Variants in IGF2BP1 observed in about 807,000 individuals in gnomAD.
IGF2BP1 encodes insulin-like growth factor 2 mRNA-binding protein 1.
A neutral mutation model predicts 74.9 loss-of-function variants in IGF2BP1; 11 were observed. That is an observed-to-expected ratio of 0.15 (90% CI 0.09 to 0.24). The LOEUF (loss-of-function observed/expected upper bound fraction) is 0.24, where lower values mean the gene tolerates loss of function less well. Ranked by LOEUF, IGF2BP1 falls within the 10% of genes least tolerant of loss-of-function variation. IGF2BP1 has a pLI of 1.00. For synonymous variants in IGF2BP1, 287 were observed against 281.8 expected, an observed-to-expected ratio of 1.02 and a Z score of -0.18; for missense variants, 440 against 757.4, an observed-to-expected ratio of 0.58 and a Z score of 4.92.
Position 49,045,083 on chromosome 17 carries a change from T to G in IGF2BP1, c.1395+18T>G. 1.9e-6 allele frequency: 3 copies of G among 1,608,408 alleles called. No individual in the cohort carries two copies. The South Asian group carries it at 3.3e-5, about 18-fold the overall frequency. On this transcript the variant is annotated intron_variant, in intron 12 of 14. Transcript: ENST00000290341. ...AATTCAAGGTTTTGGTCTTTATTGT[T>G]TTCCAAGCTGAACATGGAGGAATTG...
intron 6 of IGF2BP1, among the ~76,000 whole-genome samples, chr17:49,039,253 C>A (rs1250224252): frequency 6.6e-6 from 1 of 151,906 alleles, no homozygotes; most frequent in Non-Finnish European, 1.5e-5. Flanking sequence ...CATAGTAAAT[C>A]TTGTTATTTA....
Position 49,039,954 on chromosome 17 carries a change from C to T in IGF2BP1, c.684-3C>T. The T allele has an allele frequency of 6.2e-7, 1 of 1,612,256 alleles. No individual in the cohort carries two copies. The highest frequency in any genetic ancestry group is 8.5e-7 in the Non-Finnish European group (1 of 1,179,926). ...TAACCAGCCTTGTCCTTGTGGCCCC[C>T]AGGATAGACGTGCATAGGAAGGAGA... On this transcript the variant is annotated splice_region_variant and splice_polypyrimidine_tract_variant and intron_variant, in intron 6 of 14. Transcript: ENST00000290341.
intron 13 of IGF2BP1, 81 bp from the exon 14 acceptor site, chr17:49,046,179 C>G (rs1318201717): frequency 3.5e-6 from 5 of 1,443,820 alleles, no homozygotes; most frequent in East Asian, 4.5e-5. Context: ...AGGTTCTCCC[C>G]ACTAGTCACC....
At chr17:49,045,098 T>C (rs1350214952) in intron 12 of IGF2BP1, 33 bp downstream of exon 12, 20 of 1,585,972 alleles carry the variant, frequency 1.3e-5, no homozygotes, top group Non-Finnish European at 1.6e-5. Flanking sequence ...AAGCTGAACA[T>C]GGAGGAATTG....
At position 49,043,955 on chromosome 17, in the gene IGF2BP1, C is replaced by G; in HGVS notation, c.1201-12C>G. 1 of 1,613,244 alleles carries G rather than the reference C, an allele frequency of 6.2e-7. No homozygotes were observed. Among genetic ancestry groups the G allele is most frequent in the Non-Finnish European group, 8.5e-7 (1 of 1,179,744 alleles). Reference sequence around the variant, plus strand: ...TTGGGCCCCCTGGTAACAACGCCTCCTATCCTGGCAGCAGGCTCCCGAGCA... The same window carrying G: ...TTGGGCCCCCTGGTAACAACGCCTCGTATCCTGGCAGCAGGCTCCCGAGCA... On this transcript the variant is annotated splice_polypyrimidine_tract_variant and intron_variant, in intron 10 of 14. Coordinates refer to ENST00000290341, the MANE Select transcript of IGF2BP1 (RefSeq NM_006546.4).
intron 2 of IGF2BP1, among the ~76,000 whole-genome samples, chr17:49,023,354 C>T (rs146494370): frequency 1.3e-5 from 2 of 152,310 alleles, no homozygotes; most frequent in African/African-American, 4.8e-5. Context: ...TTATTTCATC[C>T]CTGGGAGAGA....
In IGF2BP1 at chr17:49,055,666, C is replaced by T; in HGVS notation, c.*6222C>T. 2.5e-6 allele frequency: 1 copy of T among 398,548 alleles called. No individual in the cohort carries two copies. The highest frequency in any genetic ancestry group is 4.4e-6 in the Non-Finnish European group (1 of 226,052). The allele number at this position is 398,548 out of a possible 1,614,324, so 24.7% of individuals were successfully genotyped here. On this transcript the variant is annotated 3_prime_UTR_variant, in exon 15 of 15. Transcript: ENST00000290341. The stretch of plus-strand genomic sequence containing the variant: ...TATCACCATTTGGAGTCTCCCTTTT[C>T]TCCAGGATCTTGATCCTGGTCCCCA...
intron 2 of IGF2BP1, chr17:49,004,936 G>A (rs1216185300): frequency 6.6e-6 from 1 of 152,154 alleles, no homozygotes; most frequent in African/African-American, 2.4e-5. Context: ...CCATCGCAAG[G>A]GCAAGGAGGC....
intron 2 of IGF2BP1, among the ~76,000 whole-genome samples, chr17:48,999,589 T>G (rs544535263): frequency 1.4e-4 from 21 of 152,006 alleles, no homozygotes; most frequent in Non-Finnish European, 2.6e-4. Context: ...CACACCATAA[T>G]TCTTAAGTGG....
intron 4 of IGF2BP1, among the ~76,000 whole-genome samples, chr17:49,027,939 G>A (rs149707191): frequency 2.3e-4 from 35 of 151,550 alleles, no homozygotes; most frequent in African/African-American, 7.5e-4. Flanking sequence ...GGGAGGCCAA[G>A]GTGGGCAGAT....
At chr17:49,002,699 A>T (rs2041501032) in intron 2 of IGF2BP1, among the ~76,000 whole-genome samples, 1 of 139,212 alleles carries the variant, frequency 7.2e-6, no homozygotes, top group Non-Finnish European at 1.6e-5. Context: ...TTAGGTTAGA[A>T]TTTTTTTTTT....
chr17:49,046,383 G>A lies in IGF2BP1; in HGVS notation c.1641+10G>A. On this transcript the variant is annotated intron_variant, in intron 14 of 14. Coordinates refer to ENST00000290341, the MANE Select transcript of IGF2BP1 (RefSeq NM_006546.4). ...TTTCTATGCCAGTCAGGTACATATG[G>A]TGCTCCCCCATTGAGGGAGGGCTGC... The A allele has an allele frequency of 6.2e-7, 1 of 1,601,322 alleles. No individual in the cohort carries two copies. Among genetic ancestry groups the A allele is most frequent in the Non-Finnish European group, 8.6e-7 (1 of 1,168,438 alleles).
At chr17:49,018,618 G>A (rs927717216) in intron 2 of IGF2BP1, among the ~76,000 whole-genome samples, 9 of 151,548 alleles carry the variant, frequency 5.9e-5, no homozygotes, top group African/African-American at 2.2e-4. Flanking sequence ...CATTTTTCTG[G>A]TGGAATGTTC....
intron 2 of IGF2BP1, among the ~76,000 whole-genome samples, chr17:49,016,891 G>T (rs889707751): frequency 6.7e-6 from 1 of 149,254 alleles, no homozygotes; most frequent in Non-Finnish European, 1.5e-5. Flanking sequence ...CTGGGCTTTC[G>T]GCCAGCTCCT....
chr17:49,055,303 C>A lies in IGF2BP1; in HGVS notation c.*5859C>A. ...GTTTAAGATAACGTGCTAGCTATTC[C>A]AACAGGTAACAGCTTTCACAGTCTG... is the stretch of plus-strand genomic sequence containing the variant. On this transcript the variant is annotated 3_prime_UTR_variant, in exon 15 of 15. Coordinates refer to ENST00000290341, the MANE Select transcript of IGF2BP1 (RefSeq NM_006546.4). 4.2e-6 allele frequency: 1 copy of A among 240,508 alleles called. No individual in the cohort carries two copies. The allele number at this position is 240,508 out of a possible 1,614,324, so 14.9% of individuals were successfully genotyped here.
intron 2 of IGF2BP1, among the ~76,000 whole-genome samples, chr17:49,011,159 A>C (rs1257959015): frequency 2.0e-5 from 3 of 148,838 alleles, no homozygotes; most frequent in African/African-American, 5.0e-5. Flanking sequence ...AAAAAAAAAA[A>C]AAAAAAAACA....
rs1293557396 is a variant in IGF2BP1, at chr17:49,019,971, CACACATACACCCACACAT to C, written c.237-5645_237-5628del. On this transcript the variant is annotated intron_variant, in intron 2 of 14. Transcript: ENST00000290341. The stretch of plus-strand genomic sequence containing the variant: ...ATATTTATATACACACACACACACA[CACACATACACCCACACAT>C]ATATATACACACACACACACATATA... 1.7e-3 allele frequency among the ~76,000 whole-genome samples: 137 copies of C among 78,448 alleles called. 3 individuals carry two copies. Among genetic ancestry groups the C allele is most frequent in the African/African-American group, 7.6e-3 (132 of 17,368 alleles). The allele number at this position is 78,448 out of a possible 152,430, so 51.5% of individuals were successfully genotyped here.
rs765663570 is a variant in IGF2BP1 at position 49,039,990 on chromosome 17, A to C, written c.717A>C (p.Ala239=). 6.2e-7 allele frequency: 1 copy of C among 1,613,270 alleles called. No homozygotes were observed. The highest frequency in any genetic ancestry group is 8.5e-7 in the Non-Finnish European group (1 of 1,180,014). Residue 239 remains alanine (A), a synonymous_variant, in exon 7 of 15, where the codon GCA becomes GCC. Coordinates refer to ENST00000290341, the MANE Select transcript of IGF2BP1 (RefSeq NM_006546.4). ...TGCATAGGAAGGAGAACGCAGGTGCAGCTGAAAAAGCCATCAGTGTGCACT... is the reference window on the plus strand; with the variant it reads ...TGCATAGGAAGGAGAACGCAGGTGCCGCTGAAAAAGCCATCAGTGTGCACT... The part of the protein sequence containing the change: ...IDVHRKENAG[A]AEKAISVHST...
intron 2 of IGF2BP1, among the ~76,000 whole-genome samples, chr17:49,020,344 A>G (rs913928283): frequency 6.6e-6 from 1 of 152,028 alleles, no homozygotes; most frequent in African/African-American, 2.4e-5. Context: ...ACCTGGCCCT[A>G]ACTTCTCCTT....
Sources: allele counts gnomAD v4.1 joint callset (sites outside exome capture counted in the v4.1 genomes callset), GRCh38; gene constraint gnomAD v4.1.1; transcripts MANE v1.5; gene names NCBI Gene and HGNC (gene_info 2026-07-23, HGNC 2026-07-21).